Variants in HEATR5B observed in about 807,000 individuals in gnomAD.
HEATR5B encodes HEAT repeat containing 5B, also known as HEAT repeat-containing protein 5B.
HEATR5B carries 156 observed loss-of-function variants against 224.1 expected under a neutral mutation model. The ratio of observed to expected loss-of-function variants is 0.70; its 90% confidence interval spans 0.61 to 0.80. The LOEUF (loss-of-function observed/expected upper bound fraction) is 0.80. Ranked by LOEUF, HEATR5B falls within the 30% of genes least tolerant of loss-of-function variation. The pLI, the probability that HEATR5B is intolerant of heterozygous loss-of-function variation, is 0.00. For synonymous variants in HEATR5B, 1,027 were observed against 893.0 expected (o/e 1.15, Z -2.68); for missense variants, 2,323 against 2,535.5 (o/e 0.92, Z 1.80).
At chr2:37,054,261 C>A (rs1038944693) in intron 16 of HEATR5B, among the ~76,000 whole-genome samples, 12 of 134,322 alleles carry the variant, frequency 8.9e-5, no homozygotes, top group African/African-American at 3.4e-4. Flanking sequence ...ATGGCGCGAT[C>A]TCGGCTCACC....
intron 27 of HEATR5B, among the ~76,000 whole-genome samples, chr2:37,012,340 T>C (rs914704164): frequency 2.6e-5 from 4 of 152,210 alleles, no homozygotes; most frequent in African/African-American, 9.6e-5. Context: ...AGAACCTTTG[T>C]GCATATCCTT....
intron 16 of HEATR5B, 76 bp from the exon 17 acceptor site, chr2:37,053,683 T>A: frequency 5.3e-6 from 4 of 757,254 alleles, no homozygotes. Context: ...ATAAGAAGAG[T>A]ACAAGTTAAT....
In HEATR5B at chr2:37,040,386, G is replaced by A. The variant is rs1669796011; in HGVS notation, c.2989C>T (p.Gln997Ter). 6.2e-7 allele frequency: 1 copy of A among 1,613,922 alleles called. No individual in the cohort carries two copies. Among genetic ancestry groups the A allele is most frequent in the African/African-American group, 1.3e-5 (1 of 74,920 alleles). Reference sequence around the variant, plus strand: ...GCACCCAAGCATCGACCCAAACACTGATGAACTTCTGTATGTGAAGGCGGA... The same window carrying A: ...GCACCCAAGCATCGACCCAAACACTAATGAACTTCTGTATGTGAAGGCGGA... Reference protein sequence around the residue: ...TVPPSHTEVHQCLGRCLGAII... With the variant: ...TVPPSHTEVH Residue 997 changes from glutamine (Q) to a stop codon, truncating the protein, a stop_gained, in exon 20 of 36, where the codon CAG becomes TAG. Coordinates refer to ENST00000233099, the MANE Select transcript of HEATR5B (RefSeq NM_019024.3). LOFTEE classifies it high-confidence loss of function.
At chr2:37,077,573 G>A (rs1006586868) in intron 3 of HEATR5B, among the ~76,000 whole-genome samples, 1 of 152,236 alleles carries the variant, frequency 6.6e-6, no homozygotes, top group African/African-American at 2.4e-5. Flanking sequence ...CTCCCAAAGT[G>A]TTGGGATTAC....
intron 34 of HEATR5B, 77 bp from the exon 35 acceptor site, chr2:36,988,936 T>C (rs1666133607): frequency 1.8e-6 from 2 of 1,086,538 alleles, no homozygotes; most frequent in Non-Finnish European, 2.7e-6. Context: ...CATCTTACTA[T>C]GTACTGAAAA....
At chr2:37,033,377 C>T (rs1310302481) in intron 21 of HEATR5B, among the ~76,000 whole-genome samples, 4 of 152,096 alleles carry the variant, frequency 2.6e-5, no homozygotes, top group African/African-American at 9.7e-5. Flanking sequence ...ATGAAAAATC[C>T]AGAAGGATCT....
At chr2:37,038,179 G>A (rs1031864283) in intron 20 of HEATR5B, among the ~76,000 whole-genome samples, 155 bp from the exon 21 acceptor site, 5 of 151,872 alleles carry the variant, frequency 3.3e-5, no homozygotes, top group African/African-American at 9.7e-5. Flanking sequence ...TCACTCTGTC[G>A]CCCAGGCTAG....
chr2:37,054,396 G>T (rs1670763463), intron 16 of HEATR5B, among the ~76,000 whole-genome samples: 1 of 150,552 alleles, frequency 6.6e-6, no homozygotes, highest in South Asian at 2.1e-4. Flanking sequence ...GGTCAGGCTG[G>T]TCTCGAACTC....
chr2:37,041,832 T>C (rs936220125), intron 18 of HEATR5B, among the ~76,000 whole-genome samples: 6 of 151,472 alleles, frequency 4.0e-5, no homozygotes, highest in African/African-American at 9.7e-5. Flanking sequence ...TAGAGAAAAT[T>C]TGACAACTCA....
intron 12 of HEATR5B, among the ~76,000 whole-genome samples, chr2:37,059,448 A>G (rs182121895): frequency 0.062 from 2,583 of 41,564 alleles, 40 homozygotes; most frequent in Non-Finnish European, 0.069. Flanking sequence ...GTGTGTGTGT[A>G]TATATATATA....
chr2:37,082,794 C>T (rs974273159), intron 2 of HEATR5B, among the ~76,000 whole-genome samples: 4 of 152,150 alleles, frequency 2.6e-5, no homozygotes, highest in Non-Finnish European at 4.4e-5. Context: ...GCCTGTGAGA[C>T]CCCTGATTTC....
intron 18 of HEATR5B, among the ~76,000 whole-genome samples, chr2:37,042,461 T>C (rs1669930793): frequency 6.6e-6 from 1 of 152,222 alleles, no homozygotes; most frequent in African/African-American, 2.4e-5. Context: ...CTGCTAAAGA[T>C]GAATTAAGAA....
At chr2:37,053,802 T>C (rs139581327) in intron 16 of HEATR5B, among the ~76,000 whole-genome samples, 195 bp from the exon 17 acceptor site, 1 of 152,090 alleles carries the variant, frequency 6.6e-6, no homozygotes, top group African/African-American at 2.4e-5. Context: ...GGTTATTAAA[T>C]GGAACAAGAA....
Position 37,066,403 on chromosome 2 carries a change from A to G in HEATR5B, c.1178-493T>C, listed in dbSNP as rs1397924452. 3.3e-5 allele frequency among the ~76,000 whole-genome samples: 5 copies of G among 152,240 alleles called. 1 individual carries two copies. Among genetic ancestry groups the G allele is most frequent in the Non-Finnish European group, 7.3e-5 (5 of 68,034 alleles). On this transcript the variant is annotated intron_variant, in intron 8 of 35. Transcript: ENST00000233099. ...TGCTGCCCATAATACACATTCAATAAATGTTAACAGCTATTATTACTTTAT... is the reference window on the plus strand; with the variant it reads ...TGCTGCCCATAATACACATTCAATAGATGTTAACAGCTATTATTACTTTAT...
chr2:37,044,991 C>T (rs1334446080), intron 18 of HEATR5B, among the ~76,000 whole-genome samples: 2 of 152,182 alleles, frequency 1.3e-5, no homozygotes, highest in Non-Finnish European at 2.9e-5. Context: ...GTTCTTCCTA[C>T]CTCATTGTCT....
At chr2:37,010,368 C>T (rs1336095358) in intron 27 of HEATR5B, among the ~76,000 whole-genome samples, 1 of 152,048 alleles carries the variant, frequency 6.6e-6, no homozygotes, top group African/African-American at 2.4e-5. Flanking sequence ...TACCCCTATT[C>T]CCACACCAAG....
chr2:36,993,031 T>C (rs1025592749), intron 33 of HEATR5B, among the ~76,000 whole-genome samples: 1 of 152,210 alleles, frequency 6.6e-6, no homozygotes, highest in Non-Finnish European at 1.5e-5. Context: ...GGCCCCATTT[T>C]ATTTTTAAAT....
At chr2:36,985,509 G>A (rs966925748) in intron 35 of HEATR5B, among the ~76,000 whole-genome samples, 1 of 147,784 alleles carries the variant, frequency 6.8e-6, no homozygotes, top group African/African-American at 2.5e-5. Flanking sequence ...CCAGGCTGGA[G>A]TGCAGTGGTG....
In HEATR5B at chr2:37,013,924, C is replaced by T. The variant is rs551015168; in HGVS notation, c.4201G>A (p.Ala1401Thr). The change falls in exon 27 of 36, where the codon GCT (alanine) becomes ACT (threonine). Residue 1401 changes from alanine (A) to threonine (T), a missense_variant. Ala to Thr is a moderately conservative substitution (Grantham distance 58). Around this residue, in one of 12 missense-constraint regions of HEATR5B, gnomAD observed 844 missense variants for 812.9 expected, o/e 1.04. Coordinates refer to ENST00000233099, the MANE Select transcript of HEATR5B (RefSeq NM_019024.3). Reference protein sequence around the residue: ...LLVSSLDKVQAGKGSSSQLYR... With the variant: ...LLVSSLDKVQTGKGSSSQLYR... ...AGCTGGCTGGAAGATCCTTTTCCAG[C>T]CTGAACTTTGTCCAGAGAAGAAACA... The T allele has an allele frequency of 1.9e-6, 3 of 1,612,962 alleles. No homozygotes were observed. The African/African-American group carries it at 4.0e-5, about 22-fold the overall frequency.
Sources: gnomAD v4.1 joint callset for allele counts (sites outside exome capture counted in the v4.1 genomes callset) on GRCh38, gnomAD v4.1.1 for gene constraint, gnomAD v4.1.1 regional missense constraint, MANE v1.5 for transcripts, NCBI Gene and HGNC (gene_info 2026-07-23, HGNC 2026-07-21) for gene names.